Variants in RNF17 observed in about 807,000 individuals in gnomAD.
RNF17 encodes ring finger protein 17.
RNF17 carries 31 observed loss-of-function variants against 200.5 expected under a neutral mutation model. That is an observed-to-expected ratio of 0.15 (90% CI 0.12 to 0.21). The LOEUF is 0.21. Among genes scored for constraint, RNF17 ranks in the 10% least tolerant of loss-of-function variants. RNF17 has a pLI of 1.00. For synonymous variants in RNF17, 606 were observed against 637.8 expected, an observed-to-expected ratio of 0.95 and a Z score of 0.75; for missense variants, 1,628 against 1,905.1, an observed-to-expected ratio of 0.85 and a Z score of 2.71.
intron 13 of RNF17, 75 bp from the exon 14 acceptor site, chr13:24,802,306 A>T: frequency 7.3e-7 from 1 of 1,366,542 alleles, no homozygotes; most frequent in Non-Finnish European, 1.0e-6. Context: ...TGGTTGGTAC[A>T]AACCTAAATC....
intron 6 of RNF17, among the ~76,000 whole-genome samples, chr13:24,787,773 A>G (rs1566133366): frequency 6.6e-6 from 1 of 152,204 alleles, no homozygotes. Flanking sequence ...AATACATTTC[A>G]GTTCAATTTA....
chr13:24,778,282 T>G lies in RNF17; in HGVS notation c.318-13T>G. 1 of 1,520,264 alleles carries G rather than the reference T, an allele frequency of 6.6e-7. No homozygotes were observed. The highest frequency in any genetic ancestry group is 9.1e-7 in the Non-Finnish European group (1 of 1,096,314). The allele number at this position is 1,520,264 out of a possible 1,614,324, so 94.2% of individuals were successfully genotyped here. On this transcript the variant is annotated splice_polypyrimidine_tract_variant and intron_variant, in intron 3 of 35. Coordinates refer to ENST00000255324, the MANE Select transcript of RNF17 (RefSeq NM_031277.3). ...GTCACAAAAAATAAAATAATATACT[T>G]GATACTTTTCAGGATAAAGAATTGT...
intron 23 of RNF17, among the ~76,000 whole-genome samples, chr13:24,851,072 G>C (rs918520727): frequency 6.6e-6 from 1 of 152,120 alleles, no homozygotes; most frequent in Non-Finnish European, 1.5e-5. Flanking sequence ...TCGGCTCACC[G>C]CAATCTCCGA....
chr13:24,884,182 G>C (rs372725414), downstream of RNF17: 20 of 1,614,184 alleles, frequency 1.2e-5, no homozygotes, highest in South Asian at 2.0e-4. Flanking sequence ...CTTGAGAAAT[G>C]TAAGACTTCC....
intron 19 of RNF17, 87 bp downstream of exon 19, chr13:24,842,248 C>T (rs929231258): frequency 1.2e-5 from 14 of 1,200,592 alleles, no homozygotes; most frequent in Non-Finnish European, 1.4e-5. Context: ...TATCATTCCC[C>T]ATTGGAGATG....
At chr13:24,753,096 A>T in the RNF17 span, among the ~76,000 whole-genome samples, 1 of 147,502 alleles carries the variant, frequency 6.8e-6, no homozygotes, top group African/African-American at 2.7e-5. Flanking sequence ...GTGGCTGATG[A>T]TATAAGGGGC....
At chr13:24,838,270 A>G (rs562658031) in intron 18 of RNF17, among the ~76,000 whole-genome samples, 1 of 152,314 alleles carries the variant, frequency 6.6e-6, no homozygotes, top group Admixed American at 6.5e-5. Flanking sequence ...AAGAATTGGT[A>G]CTAATCCTTT....
intron 22 of RNF17, among the ~76,000 whole-genome samples, chr13:24,845,656 G>T (rs1296480881): frequency 6.6e-6 from 1 of 152,160 alleles, no homozygotes; most frequent in African/African-American, 2.4e-5. Context: ...TTGAGAATAG[G>T]AATCGGCAAC....
intron 25 of RNF17, 104 bp from the exon 26 acceptor site, chr13:24,858,896 TG>T: frequency 1.5e-6 from 1 of 685,790 alleles, no homozygotes; most frequent in Non-Finnish European, 2.4e-6. Context: ...AAGTTCTGTT[TG>T]GGGGACTGGT....
At chr13:24,831,818 T>C (rs1302236012) in intron 17 of RNF17, 40 bp from the exon 18 acceptor site, 1 of 1,563,558 alleles carries the variant, frequency 6.4e-7, no homozygotes, top group Non-Finnish European at 8.6e-7. Flanking sequence ...TAGGTAGAAA[T>C]TAAATTTTTT....
downstream of RNF17, among the ~76,000 whole-genome samples, chr13:24,881,711 A>G (rs1953825133): frequency 2.0e-5 from 3 of 149,146 alleles, no homozygotes. Flanking sequence ...TTATCTAGGT[A>G]TACAGATATA....
At chr13:24,842,554 G>A (rs1308831115) in intron 19 of RNF17, among the ~76,000 whole-genome samples, 1 of 152,162 alleles carries the variant, frequency 6.6e-6, no homozygotes, top group Non-Finnish European at 1.5e-5. Context: ...TGATTTTCCT[G>A]GATTCAAGTG....
At chr13:24,767,176 C>T in intron 1 of RNF17, 96 bp from the exon 2 acceptor site, 3 of 772,884 alleles carry the variant, frequency 3.9e-6, no homozygotes, top group Non-Finnish European at 6.5e-6. Context: ...CTGCAGTGAG[C>T]TGGTGCCACT....
At chr13:24,764,888 G>GGGGGGTGTGTGTGTGTGT in intron 1 of RNF17, among the ~76,000 whole-genome samples, 1 of 134,174 alleles carries the variant, frequency 7.5e-6, no homozygotes, top group East Asian at 2.0e-4. Context: ...CACCTTGTGG[G>GGGGGGTGTGTGTGTGTGT]GTGTGTGTGT....
chr13:24,856,733 A>G (rs1239462888), intron 25 of RNF17, among the ~76,000 whole-genome samples: 3 of 152,172 alleles, frequency 2.0e-5, no homozygotes, highest in Non-Finnish European at 4.4e-5. Context: ...TTATCCCTAC[A>G]CCAATACCAG....
intron 15 of RNF17, 89 bp from the exon 16 acceptor site, chr13:24,825,530 A>T (rs1888535237): frequency 2.3e-6 from 2 of 861,032 alleles, no homozygotes; most frequent in African/African-American, 1.7e-5. Flanking sequence ...TTAATGTTTC[A>T]TAATTTCAAT....
In RNF17 at chr13:24,870,171, C is replaced by T. The variant is rs149627092; in HGVS notation, c.4279-400C>T. On this transcript the variant is annotated intron_variant, in intron 31 of 35. Transcript: ENST00000255324. ...CCGTGTTAGCCAGGATGGTCTCGAT[C>T]TCCTGACCTTGTGAGTCACCCTGCC... Among the ~76,000 whole-genome samples, 351 of 152,192 alleles carry T rather than the reference C, an allele frequency of 2.3e-3. 1 individual carries two copies. Among genetic ancestry groups the T allele is most frequent in the African/African-American group, 8.2e-3 (341 of 41,524 alleles).
the RNF17 span, among the ~76,000 whole-genome samples, chr13:24,759,107 CA>C: frequency 3.0e-5 from 4 of 131,432 alleles, no homozygotes; most frequent in Admixed American, 3.2e-4. Flanking sequence ...AAAAAAACAA[CA>C]CTTACATTCT....
intron 11 of RNF17, among the ~76,000 whole-genome samples, chr13:24,797,313 G>A (rs911117512): frequency 2.5e-4 from 38 of 152,150 alleles, no homozygotes; most frequent in African/African-American, 8.7e-4. Flanking sequence ...TTTATATTTT[G>A]AGAAATTAGT....
Sources: allele counts gnomAD v4.1 joint callset (sites outside exome capture counted in the v4.1 genomes callset), GRCh38; gene constraint gnomAD v4.1.1; transcripts MANE v1.5; gene names NCBI Gene and HGNC (gene_info 2026-07-23, HGNC 2026-07-21).